MAP3K4: variants seen among roughly 807,000 people sequenced by gnomAD.
MAP3K4 encodes MAP three kinase 1.
Under a neutral mutation model 185.6 loss-of-function variants are expected in MAP3K4, and 67 were observed. The ratio of observed to expected loss-of-function variants is 0.36; its 90% CI spans 0.30 to 0.44. The LOEUF (loss-of-function observed/expected upper bound fraction) is 0.44. Ranked by LOEUF, MAP3K4 falls within the 20% of genes least tolerant of loss-of-function variation. The pLI is 1.00. For synonymous variants in MAP3K4, 702 were observed against 710.4 expected, an observed-to-expected ratio of 0.99 and a Z score of 0.19; for missense variants, 1,551 against 1,995.1, an observed-to-expected ratio of 0.78 and a Z score of 4.24.
At chr6:161,095,098 C>T (rs1207362053) in intron 15 of MAP3K4, among the ~76,000 whole-genome samples, 2 of 152,120 alleles carry the variant, frequency 1.3e-5, no homozygotes, top group Non-Finnish European at 2.9e-5. Flanking sequence ...ACATCTGAGT[C>T]GCTCATCTTT....
rs1446213356 is a variant in MAP3K4, at chr6:161,054,009, A to G, written c.1707+4030A>G. 6.6e-6 allele frequency among the ~76,000 whole-genome samples: 1 copy of G among 152,210 alleles called. No individual in the cohort carries two copies. Among genetic ancestry groups the G allele is most frequent in the Admixed American group, 6.5e-5 (1 of 15,284 alleles). ...TGATAATAGGAATGAATATAGGTGAAGGATTTTGTAGAAAAGAAGAAATAC... is the reference window on the plus strand; with the variant it reads ...TGATAATAGGAATGAATATAGGTGAGGGATTTTGTAGAAAAGAAGAAATAC... On this transcript the variant is annotated intron_variant, in intron 3 of 26. Transcript: ENST00000392142. The surrounding 1 kb of genome is among the most constrained non-coding windows in gnomAD (Gnocchi z 4.2).
chr6:161,111,709 A>G (rs1778357337), intron 23 of MAP3K4, 127 bp from the exon 24 acceptor site: 1 of 947,964 alleles, frequency 1.1e-6, no homozygotes, highest in Non-Finnish European at 1.6e-6. Flanking sequence ...ACACTTTGTA[A>G]GTCAAGTTTC....
chr6:161,051,136 A>G lies in MAP3K4; in HGVS notation c.1707+1157A>G, dbSNP rs936592742. On this transcript the variant is annotated intron_variant, in intron 3 of 26. Coordinates refer to ENST00000392142, the MANE Select transcript of MAP3K4 (RefSeq NM_005922.4). This position sits in a 1 kb window ranked among gnomAD's most constrained non-coding sequence, Gnocchi z 4.2. ...GTTTGTACATGTTTAATACAGATGT[A>G]GTTTTTCTTCCCAAATATTTCTGAT... Among the ~76,000 whole-genome samples the G allele has an allele frequency of 3.9e-5, 6 of 152,248 alleles. No individual in the cohort carries two copies. Among genetic ancestry groups the G allele is most frequent in the African/African-American group, 1.4e-4 (6 of 41,468 alleles).
chr6:161,077,504 A>G lies in MAP3K4; in HGVS notation c.2098-3377A>G, dbSNP rs539475673. 1.3e-5 allele frequency among the ~76,000 whole-genome samples: 2 copies of G among 152,298 alleles called. No individual in the cohort carries two copies. Among genetic ancestry groups the G allele is most frequent in the Admixed American group, 6.5e-5 (1 of 15,306 alleles). On this transcript the variant is annotated intron_variant, in intron 5 of 26. Transcript: ENST00000392142. The surrounding 1 kb of genome is among the most constrained non-coding windows in gnomAD (Gnocchi z 4.3). ...GGTCCGCTTGGGAAAGGAGCCTGGC[A>G]AGAGCAAGGCACCGCAGGCAGCCTG...
intron 1 of MAP3K4, among the ~76,000 whole-genome samples, chr6:160,994,810 C>T (rs1231799803): frequency 3.9e-5 from 6 of 152,166 alleles, no homozygotes; most frequent in South Asian, 2.1e-4. Flanking sequence ...GAGCAATTCT[C>T]CTGCCTCAGC....
chr6:161,009,649 A>G (rs1027281617), intron 1 of MAP3K4, among the ~76,000 whole-genome samples: 1 of 152,102 alleles, frequency 6.6e-6, no homozygotes, highest in Non-Finnish European at 1.5e-5. Context: ...ATTGATGAAC[A>G]TTTTGGTTGC....
rs141787443 is a variant in MAP3K4 at position 161,070,752 on chromosome 6, G to A, written c.1852G>A (p.Val618Ile). The A allele has an allele frequency of 1.5e-5, 25 of 1,614,032 alleles. No individual in the cohort carries two copies. Among genetic ancestry groups the A allele is most frequent in the South Asian group, 8.8e-5 (8 of 91,090 alleles). The part of the protein sequence containing the change: ...DLPSFEPAFL[V>I]LCRVLLNVIH... ...ACCTTCATTCGAACCTGCCTTCCTA[G>A]TTCTCTGCCGAGTCCTTCTGAATGT... The change falls in exon 4 of 27, where the codon GTT becomes ATT. Residue 618 changes from valine (V) to isoleucine (I), a missense_variant. This residue lies in a region of MAP3K4 where 27 missense variants were observed against 64.4 expected (regional missense o/e 0.42). Transcript: ENST00000392142. The surrounding 1 kb of genome is among the most constrained non-coding windows in gnomAD (Gnocchi z 4.5).
At chr6:161,018,287 G>A (rs1338254816) in intron 1 of MAP3K4, among the ~76,000 whole-genome samples, 1 of 152,178 alleles carries the variant, frequency 6.6e-6, no homozygotes, top group African/African-American at 2.4e-5. Context: ...TCGTTGATGA[G>A]TAGATTGTGT....
intron 1 of MAP3K4, among the ~76,000 whole-genome samples, chr6:161,006,660 A>G (rs1363688746): frequency 6.6e-6 from 1 of 152,140 alleles, no homozygotes; most frequent in Non-Finnish European, 1.5e-5. Flanking sequence ...CCTTTAAGGG[A>G]TTTTATAACC....
rs779878549 is a variant in MAP3K4 at position 161,106,617 on chromosome 6, A to C, written c.3960A>C (p.Gln1320His). The change falls in exon 20 of 27, where the codon CAA (glutamine) becomes CAC (histidine). Residue 1320 changes from glutamine (Q) to histidine (H), a missense_variant. Around this residue, in one of 16 missense-constraint regions of MAP3K4, gnomAD observed 272 missense variants for 301.2 expected, o/e 0.90. Coordinates refer to ENST00000392142, the MANE Select transcript of MAP3K4 (RefSeq NM_005922.4). This position sits in a 1 kb window ranked among gnomAD's most constrained non-coding sequence, Gnocchi z 4.9. ...TGAGGAGAAAGAATATCATTGGTCA[A>C]GTTTGTGATACGCCTAAGTCCTATG... ...REMRRKNIIG[Q>H]VCDTPKSYDN... The C allele has an allele frequency of 2.5e-6, 4 of 1,614,014 alleles. No homozygotes were observed. The Admixed American group carries it at 6.7e-5, about 27-fold the overall frequency.
At chr6:161,047,725 A>C (rs1267026525) in intron 2 of MAP3K4, among the ~76,000 whole-genome samples, 1 of 152,230 alleles carries the variant, frequency 6.6e-6, no homozygotes, top group East Asian at 1.9e-4. Flanking sequence ...GACTAACTTA[A>C]GGAAGTGTAA....
intron 1 of MAP3K4, among the ~76,000 whole-genome samples, chr6:161,026,339 G>T (rs1782655113): frequency 6.6e-6 from 1 of 151,702 alleles, no homozygotes; most frequent in African/African-American, 2.4e-5. Context: ...GTTTCACCAT[G>T]TTAGCCAGGA....
rs557702975 is a variant in MAP3K4 at position 161,043,343 on chromosome 6, C to G, written c.344-5273C>G. ...TCTTTACTTCCCTTATTTAAGCTTC[C>G]ATTCTTCGAGGCCCCAAATCAAGTA... On this transcript the variant is annotated intron_variant, in intron 2 of 26. Transcript: ENST00000392142. This position sits in a 1 kb window ranked among gnomAD's most constrained non-coding sequence, Gnocchi z 4.3. Among the ~76,000 whole-genome samples, 1 of 152,162 alleles carries G rather than the reference C, an allele frequency of 6.6e-6. No individual in the cohort carries two copies. Among genetic ancestry groups the G allele is most frequent in the Admixed American group, 6.5e-5 (1 of 15,276 alleles).
rs143214043 is a variant in MAP3K4 at position 161,105,403 on chromosome 6, T to C, written c.3857-1111T>C. On this transcript the variant is annotated intron_variant, in intron 19 of 26. Transcript: ENST00000392142. ...TCTGTGAGATAGGTATTTTTATCTT[T>C]ATTTTACAGATTAGGTTTTTAATGT... Among the ~76,000 whole-genome samples the C allele has an allele frequency of 4.8e-3, 724 of 152,360 alleles. 10 individuals carry two copies. Among genetic ancestry groups the C allele is most frequent in the African/African-American group, 0.017 (691 of 41,586 alleles).
intron 3 of MAP3K4, among the ~76,000 whole-genome samples, chr6:161,066,255 T>G (rs962381141): frequency 2.2e-4 from 33 of 152,192 alleles, no homozygotes; most frequent in African/African-American, 8.0e-4. Context: ...ATTCAGAGGC[T>G]GCTGCTGCTT....
chr6:161,111,804 G>C (rs1196311289), intron 23 of MAP3K4, 32 bp from the exon 24 acceptor site: 1 of 1,589,920 alleles, frequency 6.3e-7, no homozygotes, highest in East Asian at 2.3e-5. Flanking sequence ...GTGTTTCAGA[G>C]GCTGCGTAAC....
intron 1 of MAP3K4, among the ~76,000 whole-genome samples, chr6:161,026,282 C>T (rs1027084573): frequency 6.3e-5 from 9 of 142,564 alleles, no homozygotes; most frequent in Non-Finnish European, 1.4e-4. Flanking sequence ...AGGTGCCCGC[C>T]ACCACGCGCA....
intron 15 of MAP3K4, among the ~76,000 whole-genome samples, chr6:161,094,188 A>G (rs925158565): frequency 2.0e-5 from 3 of 152,220 alleles, no homozygotes; most frequent in African/African-American, 7.2e-5. Context: ...TTGTCTGCCA[A>G]GCAACAGGAA....
At position 161,070,572 on chromosome 6, in the gene MAP3K4, C is replaced by T. The variant is rs1214198905; in HGVS notation, c.1708-36C>T. Reference sequence around the variant, plus strand: ...CAACCGTAGAACGTTGTCTCGTATGCTCTTTTAATCTGTGCCTGTTGAATT... The same window carrying T: ...CAACCGTAGAACGTTGTCTCGTATGTTCTTTTAATCTGTGCCTGTTGAATT... On this transcript the variant is annotated intron_variant, in intron 3 of 26. Transcript: ENST00000392142. The surrounding 1 kb of genome is among the most constrained non-coding windows in gnomAD (Gnocchi z 4.5). 6.3e-7 allele frequency: 1 copy of T among 1,594,758 alleles called. No individual in the cohort carries two copies. Among genetic ancestry groups the T allele is most frequent in the Admixed American group, 1.7e-5 (1 of 57,956 alleles).
Sources: allele counts gnomAD v4.1 joint callset (sites outside exome capture counted in the v4.1 genomes callset), GRCh38; gene constraint gnomAD v4.1.1; regional missense constraint gnomAD v4.1.1; non-coding constraint Gnocchi (gnomAD v3.1); transcripts MANE v1.5; gene names NCBI Gene and HGNC (gene_info 2026-07-23, HGNC 2026-07-21).